RNF17: variants seen among roughly 807,000 people sequenced by gnomAD.
RNF17 encodes ring finger protein 17.
A neutral mutation model predicts 200.5 loss-of-function variants in RNF17; 31 were observed. That is an observed-to-expected ratio of 0.15 (90% confidence interval 0.12 to 0.21). The LOEUF is 0.21. Ranked by LOEUF, RNF17 falls within the 10% of genes least tolerant of loss-of-function variation. The probability of loss-of-function intolerance (pLI) is 1.00; values close to 1 mark genes in which losing one functional copy is unlikely to be tolerated. For missense variants in RNF17, 1,628 were observed against 1,905.1 expected (o/e 0.85, Z 2.71); for synonymous variants, 606 against 637.8 (o/e 0.95, Z 0.75).
At chr13:24,772,024 G>A (rs556770840) in intron 2 of RNF17, among the ~76,000 whole-genome samples, 6 of 152,070 alleles carry the variant, frequency 3.9e-5, no homozygotes, top group African/African-American at 1.2e-4. Context: ...AAGTGGGGGC[G>A]GTATATGTTT....
chr13:24,845,936 G>A (rs1198035900), intron 22 of RNF17, among the ~76,000 whole-genome samples: 1 of 152,112 alleles, frequency 6.6e-6, no homozygotes. Flanking sequence ...CAGATGAAAG[G>A]AGGGGAAAGG....
intron 15 of RNF17, among the ~76,000 whole-genome samples, chr13:24,816,135 A>C (rs575825945): frequency 9.9e-5 from 15 of 152,280 alleles, no homozygotes; most frequent in African/African-American, 3.6e-4. Flanking sequence ...CCTGAGCTGA[A>C]GTGATCCTTT....
At chr13:24,761,853 G>T (rs1011079093), upstream of RNF17, among the ~76,000 whole-genome samples, 1 of 152,126 alleles carries the variant, frequency 6.6e-6, no homozygotes, top group African/African-American at 2.4e-5. Context: ...TTCAATTTCT[G>T]GGATTACCAA....
chr13:24,832,119 A>G (rs115182660), intron 18 of RNF17, 141 bp downstream of exon 18: 6,203 of 581,286 alleles, frequency 0.011, 221 homozygotes, highest in East Asian at 0.1. Flanking sequence ...ATTAGGTACA[A>G]TGGAATTATA....
intron 8 of RNF17, 54 bp downstream of exon 8, chr13:24,789,478 T>C (rs1883568689): frequency 8.0e-7 from 1 of 1,244,218 alleles, no homozygotes; most frequent in Admixed American, 1.9e-5. Flanking sequence ...GTGCTGGAAC[T>C]TAAATGTATT....
At chr13:24,766,664 G>A (rs566355014) in intron 1 of RNF17, among the ~76,000 whole-genome samples, 2 of 152,318 alleles carry the variant, frequency 1.3e-5, no homozygotes, top group East Asian at 3.9e-4. Context: ...TGTTAGACTT[G>A]GAAACAGAGC....
At chr13:24,885,204 T>A in the RNF17 span, 2 of 1,026,158 alleles carry the variant, frequency 1.9e-6, no homozygotes, top group Non-Finnish European at 1.5e-6. Flanking sequence ...TATTTTAGAT[T>A]CTATGTGTTT....
intron 24 of RNF17, among the ~76,000 whole-genome samples, chr13:24,853,008 G>A (rs1390174586): frequency 1.3e-5 from 2 of 152,160 alleles, no homozygotes; most frequent in East Asian, 3.9e-4. Context: ...CTGGCTCCTG[G>A]GTTCAAGCGA....
intron 18 of RNF17, among the ~76,000 whole-genome samples, chr13:24,836,378 C>T (rs1039027651): frequency 6.6e-6 from 1 of 152,160 alleles, no homozygotes; most frequent in Non-Finnish European, 1.5e-5. Flanking sequence ...GGAAATTCAT[C>T]GCAAAAAGAT....
At chr13:24,814,107 T>C (rs1887104844) in intron 15 of RNF17, among the ~76,000 whole-genome samples, 1 of 152,184 alleles carries the variant, frequency 6.6e-6, no homozygotes, top group Admixed American at 6.5e-5. Flanking sequence ...AAAAGTGTTA[T>C]TAAAAATCAT....
intron 18 of RNF17, among the ~76,000 whole-genome samples, chr13:24,838,340 A>G (rs1347452631): frequency 6.6e-6 from 1 of 152,214 alleles, no homozygotes; most frequent in Non-Finnish European, 1.5e-5. Flanking sequence ...CTATGAAGCC[A>G]GCATCACCCT....
intron 1 of RNF17, among the ~76,000 whole-genome samples, chr13:24,765,908 G>A (rs937829950): frequency 1.2e-4 from 18 of 152,202 alleles, no homozygotes; most frequent in African/African-American, 4.1e-4. Context: ...AGTTGGATAG[G>A]AAACTTGTAA....
In RNF17 at chr13:24,874,851, C is replaced by T. The variant is rs148646483; in HGVS notation, c.4583+602C>T. 3.8e-3 allele frequency among the ~76,000 whole-genome samples: 572 copies of T among 152,322 alleles called. 2 individuals are homozygous for T. The highest frequency in any genetic ancestry group is 0.013 in the African/African-American group (551 of 41,568). ...CTGCACCTGTTAAGTAATAGGATCA[C>T]AGTCCATTCTCACCCAGTCCCTAGT... On this transcript the variant is annotated intron_variant, in intron 33 of 35. Coordinates refer to ENST00000255324, the MANE Select transcript of RNF17 (RefSeq NM_031277.3).
intron 16 of RNF17, among the ~76,000 whole-genome samples, chr13:24,830,250 T>A (rs1475711315): frequency 5.9e-5 from 9 of 152,216 alleles, no homozygotes; most frequent in African/African-American, 2.2e-4. Context: ...TTTGTTATCC[T>A]GATTTTGGCT....
intron 18 of RNF17, among the ~76,000 whole-genome samples, chr13:24,836,544 G>C (rs7983858): frequency 0.86 from 130,659 of 152,184 alleles, 56,170 homozygotes; most frequent in Middle Eastern, 0.93. Flanking sequence ...GGGATTGGGG[G>C]CCTATCTTCA....
chr13:24,884,682 C>T (rs545489081), downstream of RNF17, among the ~76,000 whole-genome samples: 54 of 152,288 alleles, frequency 3.5e-4, no homozygotes, highest in African/African-American at 1.2e-3. Context: ...AGAAAACCTT[C>T]CCTTATCAAC....
At chr13:24,885,504 A>G in the RNF17 span, 1 of 1,196,566 alleles carries the variant, frequency 8.4e-7, no homozygotes, top group African/African-American at 1.5e-5. Context: ...GTTAAGTAAA[A>G]ACTCTTTTTT....
chr13:24,777,876 A>G (rs1881784510), intron 3 of RNF17, among the ~76,000 whole-genome samples: 1 of 152,212 alleles, frequency 6.6e-6, no homozygotes. Context: ...ACATGTTCTT[A>G]TAAGTCATTA....
At chr13:24,837,545 A>G (rs906072619) in intron 18 of RNF17, among the ~76,000 whole-genome samples, 1 of 152,196 alleles carries the variant, frequency 6.6e-6, no homozygotes, top group African/African-American at 2.4e-5. Flanking sequence ...TTCAAAAGGA[A>G]CCTTCAAAAC....
Sources: gnomAD v4.1 joint callset for allele counts (sites outside exome capture counted in the v4.1 genomes callset) on GRCh38, gnomAD v4.1.1 for gene constraint, MANE v1.5 for transcripts, NCBI Gene and HGNC (gene_info 2026-07-23, HGNC 2026-07-21) for gene names.